The following FUT9 variants were observed in gnomAD, a reference collection of about 807,000 sequenced individuals.
FUT9 encodes fucosyltransferase 9, also known as 4-galactosyl-N-acetylglucosaminide 3-alpha-L-fucosyltransferase 9.
In FUT9, 15 loss-of-function variants were observed where a neutral mutation model predicts 29.7. The observed-to-expected ratio is 0.51, with a 90% confidence interval of 0.34 to 0.78. The LOEUF (loss-of-function observed/expected upper bound fraction) is 0.78, where lower values mean the gene tolerates loss of function less well. Ranked by LOEUF, FUT9 falls within the 30% of genes least tolerant of loss-of-function variation. The pLI, the probability that FUT9 is intolerant of heterozygous loss-of-function variation, is 0.01. For synonymous variants in FUT9, 169 were observed against 153.7 expected, an observed-to-expected ratio of 1.10 and a Z score of -0.74; for missense variants, 319 against 425.4, an observed-to-expected ratio of 0.75 and a Z score of 2.20.
intron 1 of FUT9, among the ~76,000 whole-genome samples, chr6:96,055,252 T>C (rs868097225): frequency 8.5e-5 from 13 of 152,318 alleles, no homozygotes; most frequent in Admixed American, 5.2e-4. Context: ...GCTTTAGTGA[T>C]GTGATATAAT....
Position 96,211,919 on chromosome 6 carries a change from G to C in FUT9, c.*7684G>C, listed in dbSNP as rs1251575319. The stretch of plus-strand genomic sequence containing the variant: ...CTGGAAACCAAACAATTTTGAATTA[G>C]TTGTGTAAGTAAAGTAAGTTAAGTT... On this transcript the variant is annotated 3_prime_UTR_variant, in exon 3 of 3. Transcript: ENST00000302103. The C allele has an allele frequency of 3.0e-5, 12 of 406,494 alleles. No individual in the cohort carries two copies. Among genetic ancestry groups the C allele is most frequent in the Non-Finnish European group, 5.0e-5 (11 of 222,036 alleles). 25.2% of individuals were successfully genotyped at this position (406,494 alleles called of 1,614,324 possible).
intron 2 of FUT9, among the ~76,000 whole-genome samples, chr6:96,135,708 G>A (rs931986128): frequency 1.3e-5 from 2 of 151,812 alleles, no homozygotes; most frequent in African/African-American, 4.8e-5. Flanking sequence ...TGTAGAAGAC[G>A]AATGAGTTCT....
chr6:96,139,007 A>T (rs1193945790), intron 2 of FUT9, among the ~76,000 whole-genome samples: 2 of 151,690 alleles, frequency 1.3e-5, no homozygotes, highest in African/African-American at 2.4e-5. Context: ...TCCATGTTTT[A>T]AAAAAAATGA....
At chr6:96,094,479 C>T (rs938744348) in intron 1 of FUT9, among the ~76,000 whole-genome samples, 1 of 152,022 alleles carries the variant, frequency 6.6e-6, no homozygotes, top group African/African-American at 2.4e-5. Context: ...TTTAAAAAAT[C>T]GTATGCTGAG....
chr6:96,139,292 G>A (rs1423130214), intron 2 of FUT9, among the ~76,000 whole-genome samples: 2 of 152,124 alleles, frequency 1.3e-5, no homozygotes, highest in African/African-American at 4.8e-5. Context: ...CTCAAATCCA[G>A]GTCATACTGA....
intron 1 of FUT9, among the ~76,000 whole-genome samples, chr6:96,083,236 G>A (rs573600001): frequency 9.2e-5 from 14 of 152,050 alleles, no homozygotes; most frequent in Non-Finnish European, 1.6e-4. Context: ...ATGAATGAAT[G>A]AAGAGGTGAG....
At chr6:96,190,489 C>A (rs62419470) in intron 2 of FUT9, among the ~76,000 whole-genome samples, 55,781 of 151,912 alleles carry the variant, frequency 0.37, 11,154 homozygotes, top group South Asian at 0.57. Context: ...CTGGATAATA[C>A]CCTGCAGATT....
At chr6:96,188,499 G>T (rs922117388) in intron 2 of FUT9, among the ~76,000 whole-genome samples, 39 of 151,994 alleles carry the variant, frequency 2.6e-4, no homozygotes, top group African/African-American at 9.2e-4. Flanking sequence ...TGTGACCTGA[G>T]GCAGAAAGAT....
At chr6:96,181,494 AG>A (rs1160243272) in intron 2 of FUT9, among the ~76,000 whole-genome samples, 3 of 151,352 alleles carry the variant, frequency 2.0e-5, no homozygotes, top group East Asian at 3.9e-4. Context: ...TGGTTACATG[AG>A]TAAGTTATTT....
intron 2 of FUT9, among the ~76,000 whole-genome samples, chr6:96,166,201 C>T (rs12206679): frequency 2.6e-5 from 4 of 150,956 alleles, no homozygotes; most frequent in Middle Eastern, 3.2e-3. Context: ...TATTAAAGAA[C>T]GTCATATAAG....
chr6:96,055,433 T>G (rs577990783), intron 1 of FUT9, among the ~76,000 whole-genome samples: 1 of 151,948 alleles, frequency 6.6e-6, no homozygotes, highest in Non-Finnish European at 1.5e-5. Flanking sequence ...TAAGTTAATT[T>G]CAAATTTTAG....
chr6:96,048,917 C>A (rs1004407970), intron 1 of FUT9, among the ~76,000 whole-genome samples: 1 of 152,158 alleles, frequency 6.6e-6, no homozygotes, highest in Admixed American at 6.5e-5. Context: ...GATTCTACTA[C>A]CTTCTACTTG....
In FUT9 at chr6:96,212,941, C is replaced by T. The variant is rs1773965701; in HGVS notation, c.*8706C>T. On this transcript the variant is annotated 3_prime_UTR_variant, in exon 3 of 3. Coordinates refer to ENST00000302103, the MANE Select transcript of FUT9 (RefSeq NM_006581.4). ...TCTGCTGTATAATTCACTAACATTT[C>T]TGAGCCATAGATTTTTAATCTGTAA... The T allele has an allele frequency of 6.0e-6, 1 of 166,870 alleles. No individual in the cohort carries two copies. The highest frequency in any genetic ancestry group is 1.5e-5 in the Non-Finnish European group (1 of 68,034). The allele number at this position is 166,870 out of a possible 1,614,324, so 10.3% of individuals were successfully genotyped here. A position where few individuals can be genotyped will look rare whatever the true frequency, so the allele number is the denominator to read the frequency against.
At chr6:96,150,935 C>G (rs1772664249) in intron 2 of FUT9, among the ~76,000 whole-genome samples, 1 of 152,128 alleles carries the variant, frequency 6.6e-6, no homozygotes, top group Non-Finnish European at 1.5e-5. Context: ...TAGCAAGTTA[C>G]TTGATTTGTC....
chr6:96,199,181 T>A (rs970221925), intron 2 of FUT9, among the ~76,000 whole-genome samples: 22 of 152,188 alleles, frequency 1.4e-4, no homozygotes, highest in African/African-American at 5.3e-4. Flanking sequence ...TCTGGTGAGC[T>A]ATAGTAACAC....
intron 1 of FUT9, among the ~76,000 whole-genome samples, chr6:96,048,097 C>T (rs190071347): frequency 6.6e-6 from 1 of 152,118 alleles, no homozygotes; most frequent in Non-Finnish European, 1.5e-5. Flanking sequence ...AGTTTCATTG[C>T]CCTGACCCTT....
At position 96,145,167 on chromosome 6, in the gene FUT9, C is replaced by G. The variant is rs141910098; in HGVS notation, c.-9+31040C>G. Among the ~76,000 whole-genome samples the G allele has an allele frequency of 5.0e-4, 76 of 152,310 alleles. No individual in the cohort carries two copies. The East Asian group carries it at 0.014, about 28-fold the overall frequency. On this transcript the variant is annotated intron_variant, in intron 2 of 2. Transcript: ENST00000302103. ...CCATCTCCTGGGTTCACGCCATTCTCCTGCCTTAGCCTCCTGAGTAGCTGG... is the reference window on the plus strand; with the variant it reads ...CCATCTCCTGGGTTCACGCCATTCTGCTGCCTTAGCCTCCTGAGTAGCTGG...
At chr6:96,055,331 G>A (rs1440547912) in intron 1 of FUT9, among the ~76,000 whole-genome samples, 2 of 151,434 alleles carry the variant, frequency 1.3e-5, no homozygotes, top group African/African-American at 4.8e-5. Context: ...ATTTTTATTT[G>A]ACCCAATAAC....
intron 2 of FUT9, among the ~76,000 whole-genome samples, chr6:96,114,654 G>C (rs1427506203): frequency 6.6e-6 from 1 of 151,134 alleles, no homozygotes; most frequent in East Asian, 1.9e-4. Context: ...TATTTAATAA[G>C]TTAAATAAAA....
Sources: allele counts gnomAD v4.1 joint callset (sites outside exome capture counted in the v4.1 genomes callset), GRCh38; gene constraint gnomAD v4.1.1; transcripts MANE v1.5; gene names NCBI Gene and HGNC (gene_info 2026-07-23, HGNC 2026-07-21).